The following GLIPR2 variants were observed in gnomAD, a reference collection of about 807,000 sequenced individuals.
GLIPR2 encodes Golgi-associated plant pathogenesis-related protein 1.
In GLIPR2, 21 loss-of-function variants were observed where a neutral mutation model predicts 20.4. The ratio of observed to expected loss-of-function variants is 1.03; its 90% CI spans 0.73 to 1.48. The LOEUF is 1.48. Ranked by LOEUF, GLIPR2 falls within the 40% of genes most tolerant of loss-of-function variation. The probability of loss-of-function intolerance (pLI) is 0.00; values close to 1 mark genes in which losing one functional copy is unlikely to be tolerated. For synonymous variants in GLIPR2, 91 were observed against 80.5 expected (o/e 1.13, Z -0.70); for missense variants, 205 against 200.1 (o/e 1.02, Z -0.15).
intron 1 of GLIPR2, chr9:36,141,897 G>A (rs757605284): frequency 2.4e-5 from 11 of 454,916 alleles, no homozygotes; most frequent in Admixed American, 2.4e-5. Flanking sequence ...AAGGAACTTC[G>A]AGAACCCAGT....
chr9:36,154,120 G>A (rs540540625), intron 4 of GLIPR2, among the ~76,000 whole-genome samples: 7 of 140,554 alleles, frequency 5.0e-5, no homozygotes, highest in South Asian at 4.6e-4. Flanking sequence ...CTTTGAGACC[G>A]AGTCTCACTC....
chr9:36,136,739 C>G lies in GLIPR2; in HGVS notation c.-40C>G, dbSNP rs1003290249. 12 of 1,261,796 alleles carry G rather than the reference C, an allele frequency of 9.5e-6. 1 individual carries two copies. The African/African-American group carries it at 1.9e-4, about 20-fold the overall frequency. The allele number at this position is 1,261,796 out of a possible 1,614,324, so 78.2% of individuals were successfully genotyped here. A position where few individuals can be genotyped will look rare whatever the true frequency, so the allele number is the denominator to read the frequency against. On this transcript the variant is annotated 5_prime_UTR_variant, in exon 1 of 5. Transcript: ENST00000377960. This position sits in a 1 kb window ranked among gnomAD's most constrained non-coding sequence, Gnocchi z 4.3. ...GGCGCTGGGCCGGGCGAGCGCAGTGCAGCGCAGCCGCGGGGAGCGAGGAGC... is the reference window on the plus strand; with the variant it reads ...GGCGCTGGGCCGGGCGAGCGCAGTGGAGCGCAGCCGCGGGGAGCGAGGAGC...
chr9:36,157,881 C>T (rs1361471681), intron 4 of GLIPR2, among the ~76,000 whole-genome samples: 6 of 150,616 alleles, frequency 4.0e-5, no homozygotes, highest in Non-Finnish European at 7.4e-5. Context: ...GGCACAGTCT[C>T]GGCTCATTGC....
At chr9:36,150,827 G>A in intron 3 of GLIPR2, 45 bp from the exon 4 acceptor site, 1 of 1,424,886 alleles carries the variant, frequency 7.0e-7, no homozygotes, top group Non-Finnish European at 9.9e-7. Context: ...TAGGGAGTGG[G>A]TGGATTTTGT....
Position 36,136,814 on chromosome 9 carries a change from T to G in GLIPR2, c.13+23T>G. Reference sequence around the variant, plus strand: ...CAGGTGAGCCCGCGGGCTCGCCCGCTGCGGAATGGTTCGGAACCCCGCGCT... The same window carrying G: ...CAGGTGAGCCCGCGGGCTCGCCCGCGGCGGAATGGTTCGGAACCCCGCGCT... On this transcript the variant is annotated intron_variant, in intron 1 of 4. Transcript: ENST00000377960. This position sits in a 1 kb window ranked among gnomAD's most constrained non-coding sequence, Gnocchi z 4.3. 1 of 1,296,270 alleles carries G rather than the reference T, an allele frequency of 7.7e-7. No individual in the cohort carries two copies. The highest frequency in any genetic ancestry group is 9.8e-7 in the Non-Finnish European group (1 of 1,025,290). The allele number at this position is 1,296,270 out of a possible 1,614,324, so 80.3% of individuals were successfully genotyped here.
chr9:36,160,286 G>A (rs1563890371), intron 4 of GLIPR2, among the ~76,000 whole-genome samples: 1 of 152,184 alleles, frequency 6.6e-6, no homozygotes, highest in African/African-American at 2.4e-5. Context: ...GCCTCTCGAA[G>A]TGCTGGCATT....
Position 36,147,865 on chromosome 9 carries a change from C to T in GLIPR2, c.93C>T (p.Leu31=), listed in dbSNP as rs1053312666. The T allele has an allele frequency of 6.3e-7, 1 of 1,579,510 alleles. No homozygotes were observed. The highest frequency in any genetic ancestry group is 8.7e-7 in the Non-Finnish European group (1 of 1,148,358). ...RQKHGVPPLK[L]CKNLNREAQQ... ...AGCACGGCGTCCCCCCACTGAAGCTCTGCAAGAACCTCAACCGGGAGGCTC... is the reference window on the plus strand; with the variant it reads ...AGCACGGCGTCCCCCCACTGAAGCTTTGCAAGAACCTCAACCGGGAGGCTC... Residue 31 remains leucine, a synonymous_variant, in exon 2 of 5, where the codon CTC becomes CTT. Coordinates refer to ENST00000377960, the MANE Select transcript of GLIPR2 (RefSeq NM_022343.4).
At chr9:36,139,406 C>T (rs1042099757) in intron 1 of GLIPR2, among the ~76,000 whole-genome samples, 3 of 152,104 alleles carry the variant, frequency 2.0e-5, no homozygotes, top group East Asian at 1.9e-4. Context: ...CCACCCCAAC[C>T]GGAAAACCGA....
intron 1 of GLIPR2, chr9:36,145,106 C>T (rs1421692390): frequency 6.6e-6 from 1 of 152,398 alleles, no homozygotes; most frequent in South Asian, 2.1e-4. Context: ...TGCCACTACC[C>T]ACAGCCAGTC....
intron 4 of GLIPR2, among the ~76,000 whole-genome samples, chr9:36,161,217 C>A (rs1415947351): frequency 6.6e-6 from 1 of 151,966 alleles, no homozygotes; most frequent in African/African-American, 2.4e-5. Context: ...AGACTGAATA[C>A]TAGGTTGTTG....
intron 4 of GLIPR2, among the ~76,000 whole-genome samples, chr9:36,158,387 T>G (rs999315653): frequency 1.3e-5 from 2 of 152,242 alleles, no homozygotes; most frequent in African/African-American, 4.8e-5. Context: ...CTGTTTTTCA[T>G]AGTAACCATC....
At chr9:36,154,544 T>C (rs530432983) in intron 4 of GLIPR2, among the ~76,000 whole-genome samples, 2 of 152,310 alleles carry the variant, frequency 1.3e-5, no homozygotes, top group South Asian at 4.1e-4. Flanking sequence ...ACATATTTGG[T>C]GTGTTTTTCA....
intron 4 of GLIPR2, among the ~76,000 whole-genome samples, chr9:36,154,078 ATATAT>A (rs144833702): frequency 0.16 from 21,277 of 133,432 alleles, 1,948 homozygotes; most frequent in South Asian, 0.22. Context: ...ATTATATATT[ATATAT>A]TATATATATA....
chr9:36,157,699 CACACACACACACACATAT>C (rs1171568384), intron 4 of GLIPR2, among the ~76,000 whole-genome samples: 1 of 142,338 alleles, frequency 7.0e-6, no homozygotes, highest in Non-Finnish European at 1.6e-5. Context: ...CACACACACA[CACACACACACACACATAT>C]ATATATACAC....
At chr9:36,154,629 TTCG>T (rs1825750665) in intron 4 of GLIPR2, among the ~76,000 whole-genome samples, 1 of 152,216 alleles carries the variant, frequency 6.6e-6, no homozygotes, top group Non-Finnish European at 1.5e-5. Flanking sequence ...AAAAGGAACC[TTCG>T]TTAGTGGACT....
intron 3 of GLIPR2, 111 bp from the exon 4 acceptor site, chr9:36,150,761 C>G: frequency 2.7e-6 from 2 of 734,802 alleles, no homozygotes; most frequent in Non-Finnish European, 4.8e-6. Context: ...GGGGCTTTCT[C>G]AGATGTCTAA....
At chr9:36,162,254 ACCTGAG>A in intron 4 of GLIPR2, 102 bp from the exon 5 acceptor site, 1 of 1,601,952 alleles carries the variant, frequency 6.2e-7, no homozygotes, top group South Asian at 1.1e-5. Flanking sequence ...GACCATGCTG[ACCTGAG>A]CCTGGCAAGA....
At chr9:36,143,531 C>T (rs531963340) in intron 1 of GLIPR2, among the ~76,000 whole-genome samples, 1 of 152,334 alleles carries the variant, frequency 6.6e-6, no homozygotes, top group Non-Finnish European at 1.5e-5. Flanking sequence ...TGGGGACCCC[C>T]GTCACCTTTG....
chr9:36,158,847 T>C (rs556213838), intron 4 of GLIPR2, among the ~76,000 whole-genome samples: 32 of 152,236 alleles, frequency 2.1e-4, no homozygotes, highest in African/African-American at 7.7e-4. Flanking sequence ...GGCAGATCAC[T>C]TGAGGTCAGG....
Sources: gnomAD v4.1 joint callset for allele counts (sites outside exome capture counted in the v4.1 genomes callset) on GRCh38, gnomAD v4.1.1 for gene constraint, Gnocchi (gnomAD v3.1) non-coding constraint, MANE v1.5 for transcripts, NCBI Gene and HGNC (gene_info 2026-07-23, HGNC 2026-07-21) for gene names.